Variants in TLR4 observed in about 807,000 individuals in gnomAD.
TLR4 encodes the protein toll like receptor 4.
A neutral mutation model predicts 27.4 loss-of-function variants in TLR4; 17 were observed. The observed-to-expected ratio is 0.62, with a 90% CI of 0.42 to 0.93. TLR4 has a LOEUF of 0.93. TLR4 is among the 40% of genes least tolerant of loss of function. The pLI is 0.00. For synonymous variants in TLR4, 363 were observed against 365.7 expected (o/e 0.99, Z 0.08); for missense variants, 926 against 962.3 (o/e 0.96, Z 0.50).
rs952741122 is a variant in TLR4 at position 117,723,050 on chromosome 9, A to T, written c.*8402A>T. ...AAAGATTGGCAGTCAGAAAGGAATGAACCAAACGGCTGCTGAGGGTCAGGC... is the reference window on the plus strand; with the variant it reads ...AAAGATTGGCAGTCAGAAAGGAATGTACCAAACGGCTGCTGAGGGTCAGGC... On this transcript the variant is annotated 3_prime_UTR_variant, in exon 3 of 3. Coordinates refer to ENST00000355622, the MANE Select transcript of TLR4 (RefSeq NM_138554.5). 5.9e-5 allele frequency: 9 copies of T among 152,210 alleles called. No individual in the cohort carries two copies. Among genetic ancestry groups the T allele is most frequent in the African/African-American group, 1.9e-4 (8 of 41,434 alleles). The allele number at this position is 152,210 out of a possible 1,614,324, so 9.4% of individuals were successfully genotyped here. A position where few individuals can be genotyped will look rare whatever the true frequency, so the allele number is the denominator to read the frequency against.
In TLR4 at chr9:117,712,767, C is replaced by A. The variant is rs371871286; in HGVS notation, c.639C>A (p.Asn213Lys). Residue 213 changes from asparagine (N) to lysine (K), a missense_variant, in exon 3 of 3, where the codon AAC becomes AAA. Coordinates refer to ENST00000355622, the MANE Select transcript of TLR4 (RefSeq NM_138554.5). ...ATCTCTCTTTAGACCTGTCCCTGAA[C>A]CCTATGAACTTTATCCAACCAGGTG... ...LLNLSLDLSLNPMNFIQPGAF... is the reference protein window; with the variant it reads ...LLNLSLDLSLKPMNFIQPGAF... 3.1e-6 allele frequency: 5 copies of A among 1,613,894 alleles called. No individual in the cohort carries two copies. The highest frequency in any genetic ancestry group is 1.3e-5 in the African/African-American group (1 of 74,900).
rs887363091 is a variant in TLR4, at chr9:117,715,691, T to C, written c.*1043T>C. 5 of 152,130 alleles carry C rather than the reference T, an allele frequency of 3.3e-5. No homozygotes were observed. The highest frequency in any genetic ancestry group is 2.6e-4 in the Admixed American group (4 of 15,272). 9.4% of individuals were successfully genotyped at this position (152,130 alleles called of 1,614,324 possible). ...AGTTTATTTTTTTCAGAACAAGTGA[T>C]GTTTGATGGACCTCTGAATCTCTTT... On this transcript the variant is annotated 3_prime_UTR_variant, in exon 3 of 3. Coordinates refer to ENST00000355622, the MANE Select transcript of TLR4 (RefSeq NM_138554.5).
chr9:117,711,578 A>G lies in TLR4; in HGVS notation c.261-811A>G, dbSNP rs1384313092. ...CCAATTTCATCTCTGTTCTCCAACC[A>G]TGGAAGCTATTTGTCATGATTCCTC... On this transcript the variant is annotated intron_variant, in intron 2 of 2. Coordinates refer to ENST00000355622, the MANE Select transcript of TLR4 (RefSeq NM_138554.5). 4.6e-5 allele frequency among the ~76,000 whole-genome samples: 7 copies of G among 152,304 alleles called. No homozygotes were observed. In the East Asian group the frequency reaches 9.7e-4, roughly 21 times the overall value.
In TLR4 at chr9:117,708,692, T is replaced by A; in HGVS notation, c.223T>A (p.Phe75Ile). ...GAGGCATTTAGGCAGCTATAGCTTCTTCAGTTTCCCAGAACTGCAGGTGCT... is the reference window on the plus strand; with the variant it reads ...GAGGCATTTAGGCAGCTATAGCTTCATCAGTTTCCCAGAACTGCAGGTGCT... Reference protein sequence around the residue: ...PLRHLGSYSFFSFPELQVLDL... With the variant: ...PLRHLGSYSFISFPELQVLDL... Residue 75 changes from phenylalanine to isoleucine, a missense_variant, in exon 2 of 3, where the codon TTC (phenylalanine) becomes ATC (isoleucine). By Grantham distance (21) the Phe-to-Ile change is conservative. Transcript: ENST00000355622. 2 of 1,613,930 alleles carry A rather than the reference T, an allele frequency of 1.2e-6. No individual in the cohort carries two copies. Among genetic ancestry groups the A allele is most frequent in the Non-Finnish European group, 8.5e-7 (1 of 1,179,818 alleles).
rs781025878 is a variant in TLR4, at chr9:117,712,373, C to A, written c.261-16C>A. ...AGCAGAAATATTAGATAATCAATGTCTTTTTATTCCTGTAGGTGTGAAATC... is the reference window on the plus strand; with the variant it reads ...AGCAGAAATATTAGATAATCAATGTATTTTTATTCCTGTAGGTGTGAAATC... On this transcript the variant is annotated splice_polypyrimidine_tract_variant and intron_variant, in intron 2 of 2. Transcript: ENST00000355622. The A allele has an allele frequency of 6.2e-7, 1 of 1,608,406 alleles. No individual in the cohort carries two copies. The highest frequency in any genetic ancestry group is 8.5e-7 in the Non-Finnish European group (1 of 1,175,318).
rs137853920 is a variant in TLR4, at chr9:117,712,970, G to A, written c.842G>A (p.Cys281Tyr). 2.9e-3 allele frequency: 4,650 copies of A among 1,614,074 alleles called. 6 individuals carry two copies. The highest frequency in any genetic ancestry group is 3.4e-3 in the Admixed American group (204 of 60,010). ...GACAAATCTGCTCTAGAGGGCCTGT[G>A]CAATTTGACCATTGAAGAATTCCGA... ...KFDKSALEGL[C>Y]NLTIEEFRLA... The change falls in exon 3 of 3, where the codon TGC (cysteine) becomes TAC (tyrosine). Residue 281 changes from cysteine to tyrosine, a missense_variant. By Grantham distance (194) the Cys-to-Tyr change is radical. Coordinates refer to ENST00000355622, the MANE Select transcript of TLR4 (RefSeq NM_138554.5).
chr9:117,712,627 T>A lies in TLR4; in HGVS notation c.499T>A (p.Leu167Ile). 6 of 1,614,062 alleles carry A rather than the reference T, an allele frequency of 3.7e-6. No individual in the cohort carries two copies. Among genetic ancestry groups the A allele is most frequent in the Non-Finnish European group, 5.1e-6 (6 of 1,179,982 alleles). Residue 167 changes from leucine to isoleucine, a missense_variant, in exon 3 of 3, where the codon TTA becomes ATA. Transcript: ENST00000355622. ...TCACAATCTTATCCAATCTTTCAAA[T>A]TACCTGAGTATTTTTCTAATCTGAC... Reference protein sequence around the residue: ...VAHNLIQSFKLPEYFSNLTNL... With the variant: ...VAHNLIQSFKIPEYFSNLTNL...
intron 1 of TLR4, among the ~76,000 whole-genome samples, chr9:117,705,275 G>C (rs991359231): frequency 1.3e-5 from 2 of 152,172 alleles, no homozygotes; most frequent in Non-Finnish European, 2.9e-5. Context: ...CTTCACAGTT[G>C]CTTTAGAAAC....
In TLR4 at chr9:117,713,800, A is replaced by G; in HGVS notation, c.1672A>G (p.Thr558Ala). 6.2e-7 allele frequency: 1 copy of G among 1,613,970 alleles called. No individual in the cohort carries two copies. Among genetic ancestry groups the G allele is most frequent in the Non-Finnish European group, 8.5e-7 (1 of 1,179,994 alleles). Residue 558 changes from threonine (T) to alanine (A), a missense_variant, in exon 3 of 3, where the codon ACT becomes GCT. Coordinates refer to ENST00000355622, the MANE Select transcript of TLR4 (RefSeq NM_138554.5). ...TGATTACAGTCTCAATCACATAATGACTTCCAAAAAACAGGAACTACAGCA... is the reference window on the plus strand; with the variant it reads ...TGATTACAGTCTCAATCACATAATGGCTTCCAAAAAACAGGAACTACAGCA... ...VLDYSLNHIM[T>A]SKKQELQHFP...
At chr9:117,707,059 A>G (rs1370957185) in intron 1 of TLR4, among the ~76,000 whole-genome samples, 1 of 152,218 alleles carries the variant, frequency 6.6e-6, no homozygotes, top group African/African-American at 2.4e-5. Context: ...CAGTGGGCAA[A>G]CCCATCAAAC....
At chr9:117,709,250 T>C (rs575835573) in intron 2 of TLR4, among the ~76,000 whole-genome samples, 211 of 152,248 alleles carry the variant, frequency 1.4e-3, no homozygotes, top group Non-Finnish European at 2.7e-3. Context: ...CAGTAGGTGA[T>C]AAATTATGTT....
chr9:117,714,526 A>C lies in TLR4; in HGVS notation c.2398A>C (p.Ser800Arg). 6.2e-7 allele frequency: 1 copy of C among 1,613,922 alleles called. No individual in the cohort carries two copies. Among genetic ancestry groups the C allele is most frequent in the South Asian group, 1.1e-5 (1 of 91,066 alleles). ...GAACACTTACCTGGAGTGGGAGGAC[A>C]GTGTCCTGGGGCGGCACATCTTCTG... Reference protein sequence around the residue: ...SRNTYLEWEDSVLGRHIFWRR... With the variant: ...SRNTYLEWEDRVLGRHIFWRR... The change falls in exon 3 of 3, where the codon AGT (serine) becomes CGT (arginine). Residue 800 changes from serine (S) to arginine (R), a missense_variant. By Grantham distance (110) the Ser-to-Arg change is moderately radical. Coordinates refer to ENST00000355622, the MANE Select transcript of TLR4 (RefSeq NM_138554.5).
In TLR4 at chr9:117,714,465, C is replaced by T; in HGVS notation, c.2337C>T (p.Leu779=). 2.5e-6 allele frequency: 4 copies of T among 1,613,804 alleles called. No homozygotes were observed. The highest frequency in any genetic ancestry group is 1.7e-6 in the Non-Finnish European group (2 of 1,179,990). The change falls in exon 3 of 3, where the codon CTC becomes CTT. Residue 779 remains leucine (L), a synonymous_variant. Transcript: ENST00000355622. ...IVLQKVEKTL[L]RQQVELYRLL... ...TGCAGAAGGTGGAGAAGACCCTGCT[C>T]AGGCAGCAGGTGGAGCTGTACCGCC... is the stretch of plus-strand genomic sequence containing the variant.
chr9:117,714,272 G>A lies in TLR4; in HGVS notation c.2144G>A (p.Gly715Asp). ...CTTCACTACAGAGACTTTATTCCCG[G>A]TGTGGCCATTGCTGCCAACATCATC... ...LCLHYRDFIP[G>D]VAIAANIIHE... The change falls in exon 3 of 3, where the codon GGT becomes GAT. Residue 715 changes from glycine to aspartate, a missense_variant. Coordinates refer to ENST00000355622, the MANE Select transcript of TLR4 (RefSeq NM_138554.5). 6.3e-7 allele frequency: 1 copy of A among 1,595,550 alleles called. No homozygotes were observed. The highest frequency in any genetic ancestry group is 1.1e-5 in the South Asian group (1 of 90,066).
In TLR4 at chr9:117,708,621, A is replaced by G; in HGVS notation, c.152A>G (p.Asn51Ser). Residue 51 changes from asparagine to serine, a missense_variant, in exon 2 of 3, where the codon AAC (asparagine) becomes AGC (serine). By Grantham distance (46) the Asn-to-Ser change is conservative. Transcript: ENST00000355622. ...CTGAATTTCTACAAAATCCCCGACA[A>G]CCTCCCCTTCTCAACCAAGAACCTG... ...MELNFYKIPD[N>S]LPFSTKNLDL... The G allele has an allele frequency of 1.2e-6, 2 of 1,613,740 alleles. No individual in the cohort carries two copies. Among genetic ancestry groups the G allele is most frequent in the Non-Finnish European group, 1.7e-6 (2 of 1,179,840 alleles).
In TLR4 at chr9:117,721,001, A is replaced by T. The variant is rs900596595; in HGVS notation, c.*6353A>T. On this transcript the variant is annotated 3_prime_UTR_variant, in exon 3 of 3. Coordinates refer to ENST00000355622, the MANE Select transcript of TLR4 (RefSeq NM_138554.5). ...AAATATAGAGTTAAAAAAACTATTT[A>T]AAAAAAAGACAACTTCATGTCTCTA... 18 of 152,076 alleles carry T rather than the reference A, an allele frequency of 1.2e-4. No homozygotes were observed. The highest frequency in any genetic ancestry group is 1.9e-4 in the African/African-American group (8 of 41,402). The allele number at this position is 152,076 out of a possible 1,614,324, so 9.4% of individuals were successfully genotyped here. A position where few individuals can be genotyped will look rare whatever the true frequency, so the allele number is the denominator to read the frequency against.
At position 117,714,005 on chromosome 9, in the gene TLR4, C is replaced by G. The variant is rs201055270; in HGVS notation, c.1877C>G (p.Thr626Ser). The G allele has an allele frequency of 1.2e-6, 2 of 1,613,982 alleles. No homozygotes were observed. The highest frequency in any genetic ancestry group is 8.5e-7 in the Non-Finnish European group (1 of 1,179,986). The change falls in exon 3 of 3, where the codon ACC (threonine) becomes AGC (serine). Residue 626 changes from threonine (T) to serine (S), a missense_variant. Physicochemically the swap from Thr to Ser is moderately conservative, Grantham distance 58. Transcript: ENST00000355622. ...QGMPVLSLNI[T>S]CQMNKTIIGV... Reference sequence around the variant, plus strand: ...ATGCCTGTGCTGAGTTTGAATATCACCTGTCAGATGAATAAGACCATCATT... The same window carrying G: ...ATGCCTGTGCTGAGTTTGAATATCAGCTGTCAGATGAATAAGACCATCATT...
chr9:117,709,275 C>A (rs11536878), intron 2 of TLR4, among the ~76,000 whole-genome samples: 14,831 of 151,834 alleles, frequency 0.098, 827 homozygotes, highest in Admixed American at 0.16. Flanking sequence ...CTAAAGGTAA[C>A]TAATTGTATT....
Position 117,715,181 on chromosome 9 carries a change from T to C in TLR4, c.*533T>C, listed in dbSNP as rs1829322522. 6.2e-6 allele frequency: 1 copy of C among 161,390 alleles called. No individual in the cohort carries two copies. Among genetic ancestry groups the C allele is most frequent in the Admixed American group, 5.8e-5 (1 of 17,284 alleles). 10.0% of individuals were successfully genotyped at this position (161,390 alleles called of 1,614,324 possible). A position where few individuals can be genotyped will look rare whatever the true frequency, so the allele number is the denominator to read the frequency against. ...CAGAGGTTAAAGTCTAGTGGCTAAT[T>C]CCTAAGGAAACCTGATTAACACATG... On this transcript the variant is annotated 3_prime_UTR_variant, in exon 3 of 3. Coordinates refer to ENST00000355622, the MANE Select transcript of TLR4 (RefSeq NM_138554.5).
Sources: allele counts gnomAD v4.1 joint callset (sites outside exome capture counted in the v4.1 genomes callset), GRCh38; gene constraint gnomAD v4.1.1; transcripts MANE v1.5; gene names NCBI Gene and HGNC (gene_info 2026-07-23, HGNC 2026-07-21).